The following WSCD2 variants were observed in gnomAD, a reference collection of about 807,000 sequenced individuals.
The protein encoded by WSCD2 is sialate:O-sulfotransferase 2.
WSCD2 carries 28 observed loss-of-function variants against 55.7 expected under a neutral mutation model. The observed-to-expected ratio is 0.50, with a 90% confidence interval of 0.37 to 0.69. The LOEUF (loss-of-function observed/expected upper bound fraction) is 0.69, where lower values mean the gene tolerates loss of function less well. Ranked by LOEUF, WSCD2 falls within the 30% of genes least tolerant of loss-of-function variation. The pLI is 0.00. For synonymous variants in WSCD2, 301 were observed against 301.9 expected, an observed-to-expected ratio of 1.00 and a Z score of 0.03; for missense variants, 616 against 762.1, an observed-to-expected ratio of 0.81 and a Z score of 2.26.
chr12:108,222,651 G>C (rs1887660388), intron 4 of WSCD2, among the ~76,000 whole-genome samples: 1 of 152,154 alleles, frequency 6.6e-6, no homozygotes, highest in Non-Finnish European at 1.5e-5. Flanking sequence ...AGATTTAACA[G>C]TGGCCACTTA....
At chr12:108,232,686 A>C in intron 6 of WSCD2, 45 bp from the exon 7 acceptor site, 1 of 1,554,004 alleles carries the variant, frequency 6.4e-7, no homozygotes, top group Non-Finnish European at 8.7e-7. Context: ...GACAGGCTCC[A>C]TCTGCCCCTG....
intron 4 of WSCD2, among the ~76,000 whole-genome samples, chr12:108,211,407 G>A (rs1593038004): frequency 6.6e-6 from 1 of 152,142 alleles, no homozygotes; most frequent in Non-Finnish European, 1.5e-5. Flanking sequence ...GGGAGATGCT[G>A]CATTTCTAAA....
rs118083967 is a variant in WSCD2 at position 108,159,418 on chromosome 12, G to A, written c.-552+29492G>A. Among the ~76,000 whole-genome samples the A allele has an allele frequency of 2.8e-3, 431 of 152,346 alleles. 2 individuals carry two copies. The highest frequency in any genetic ancestry group is 4.5e-3 in the Admixed American group (69 of 15,306). On this transcript the variant is annotated intron_variant, in intron 1 of 8. Coordinates refer to ENST00000547525, the MANE Select transcript of WSCD2 (RefSeq NM_014653.4). ...CACAGTATACCCATTCTACAGATGAGAGAACCAAGGCAGAGACGAAAGTGG... is the reference window on the plus strand; with the variant it reads ...CACAGTATACCCATTCTACAGATGAAAGAACCAAGGCAGAGACGAAAGTGG...
Position 108,210,251 on chromosome 12 carries a change from G to C in WSCD2, c.628G>C (p.Ala210Pro). The C allele has an allele frequency of 6.3e-7, 1 of 1,590,982 alleles. No homozygotes were observed. The highest frequency in any genetic ancestry group is 8.6e-7 in the Non-Finnish European group (1 of 1,165,226). Reference protein sequence around the residue: ...KGERGSVCGGANRLSVYRLQL... With the variant: ...KGERGSVCGGPNRLSVYRLQL... The stretch of plus-strand genomic sequence containing the variant: ...CGAGCGAGGCAGCGTGTGCGGCGGC[G>C]CCAACCGCCTCTCTGTCTACCGGCT... The change falls in exon 4 of 9, where the codon GCC becomes CCC. Residue 210 changes from alanine (A) to proline (P), a missense_variant. This residue lies in a region of WSCD2 where 374 missense variants were observed against 467.4 expected (regional missense o/e 0.80). Coordinates refer to ENST00000547525, the MANE Select transcript of WSCD2 (RefSeq NM_014653.4). The surrounding 1 kb of genome is among the most constrained non-coding windows in gnomAD (Gnocchi z 4.3).
At chr12:108,168,908 G>T (rs912262371) in intron 1 of WSCD2, among the ~76,000 whole-genome samples, 2 of 152,158 alleles carry the variant, frequency 1.3e-5, no homozygotes, top group African/African-American at 4.8e-5. Flanking sequence ...TAGGGTAGTG[G>T]TCCTCAACCA....
At chr12:108,188,041 CCTCT>C (rs1274236347) in intron 1 of WSCD2, among the ~76,000 whole-genome samples, 4 of 152,148 alleles carry the variant, frequency 2.6e-5, no homozygotes, top group Non-Finnish European at 2.9e-5. Context: ...CCATATGCTC[CCTCT>C]GATTTTTTTA....
chr12:108,180,539 C>T (rs1224480940), intron 1 of WSCD2, among the ~76,000 whole-genome samples: 2 of 152,112 alleles, frequency 1.3e-5, no homozygotes, highest in Admixed American at 6.6e-5. Context: ...GTTTGAATGT[C>T]GGGGGAGGGA....
intron 6 of WSCD2, among the ~76,000 whole-genome samples, chr12:108,229,211 C>T (rs866641519): frequency 1.2e-4 from 19 of 152,222 alleles, no homozygotes; most frequent in African/African-American, 3.9e-4. Context: ...TATTGAGCAC[C>T]TACTGTGTGC....
Position 108,248,844 on chromosome 12 carries a change from C to A in WSCD2, c.*501C>A, listed in dbSNP as rs757129402. The A allele has an allele frequency of 1.0e-6, 1 of 989,638 alleles. No homozygotes were observed. Among genetic ancestry groups the A allele is most frequent in the Middle Eastern group, 5.2e-4 (1 of 1,914 alleles). 61.3% of individuals were successfully genotyped at this position (989,638 alleles called of 1,614,324 possible). ...TGCTGGCACCGATGTTTAACTCAGG[C>A]CACCTTCTGTTCTAAAGAAAGATTG... On this transcript the variant is annotated 3_prime_UTR_variant, in exon 9 of 9. Transcript: ENST00000547525. The surrounding 1 kb of genome is among the most constrained non-coding windows in gnomAD (Gnocchi z 4.3).
At chr12:108,169,573 A>G (rs1019336569) in intron 1 of WSCD2, among the ~76,000 whole-genome samples, 15 of 152,122 alleles carry the variant, frequency 9.9e-5, no homozygotes, top group African/African-American at 3.6e-4. Context: ...TTGAAGTCCC[A>G]TTCTTGGCTC....
chr12:108,147,188 G>A (rs981269657), intron 1 of WSCD2, among the ~76,000 whole-genome samples: 1 of 152,204 alleles, frequency 6.6e-6, no homozygotes, highest in Non-Finnish European at 1.5e-5. Flanking sequence ...CAGAGCTCAG[G>A]TGGAGGAGAC....
chr12:108,185,030 T>C (rs1166016608), intron 1 of WSCD2, among the ~76,000 whole-genome samples: 1 of 152,170 alleles, frequency 6.6e-6, no homozygotes, highest in Non-Finnish European at 1.5e-5. Context: ...TCAGTTTCCA[T>C]TGCTGATGAA....
At chr12:108,239,762 T>C (rs1465662543) in intron 7 of WSCD2, among the ~76,000 whole-genome samples, 1 of 152,204 alleles carries the variant, frequency 6.6e-6, no homozygotes, top group Non-Finnish European at 1.5e-5. Flanking sequence ...TCATCCAGGC[T>C]GGACTGCAGT....
intron 1 of WSCD2, among the ~76,000 whole-genome samples, chr12:108,170,577 G>A (rs570689460): frequency 2.0e-5 from 3 of 152,082 alleles, no homozygotes; most frequent in South Asian, 2.1e-4. Flanking sequence ...ATCCACCACC[G>A]GCTAGTTGTA....
chr12:108,221,655 C>CA (rs1173229805), intron 4 of WSCD2, among the ~76,000 whole-genome samples: 1 of 152,208 alleles, frequency 6.6e-6, no homozygotes, highest in Non-Finnish European at 1.5e-5. Flanking sequence ...AGGTGAAGGG[C>CA]TGTCCTGTAC....
At chr12:108,173,076 C>A (rs1040084690) in intron 1 of WSCD2, among the ~76,000 whole-genome samples, 1 of 152,068 alleles carries the variant, frequency 6.6e-6, no homozygotes, top group Non-Finnish European at 1.5e-5. Context: ...TCTGCTGGCG[C>A]CTTGATCTTG....
chr12:108,210,111 C>A lies in WSCD2; in HGVS notation c.498-10C>A. 2 of 1,614,026 alleles carry A rather than the reference C, an allele frequency of 1.2e-6. No individual in the cohort carries two copies. The highest frequency in any genetic ancestry group is 1.7e-6 in the Non-Finnish European group (2 of 1,179,984). On this transcript the variant is annotated splice_polypyrimidine_tract_variant and intron_variant, in intron 3 of 8. Coordinates refer to ENST00000547525, the MANE Select transcript of WSCD2 (RefSeq NM_014653.4). This position sits in a 1 kb window ranked among gnomAD's most constrained non-coding sequence, Gnocchi z 4.3. ...TGGCAGCTACCCTGCTTGACAGCAG[C>A]CTCCCCCAGGGGTTACCTGTATGGC...
chr12:108,198,424 A>G (rs1178913066), intron 2 of WSCD2, among the ~76,000 whole-genome samples: 1 of 152,228 alleles, frequency 6.6e-6, no homozygotes, highest in Non-Finnish European at 1.5e-5. Flanking sequence ...AGGTTTGATC[A>G]AATGCTCCTC....
At position 108,250,257 on chromosome 12, in the gene WSCD2, C is replaced by T. The variant is rs1890359572; in HGVS notation, c.*1914C>T. The T allele has an allele frequency of 6.7e-6, 1 of 148,378 alleles. No homozygotes were observed. Among genetic ancestry groups the T allele is most frequent in the Non-Finnish European group, 1.5e-5 (1 of 66,936 alleles). The allele number at this position is 148,378 out of a possible 1,614,324, so 9.2% of individuals were successfully genotyped here. A position where few individuals can be genotyped will look rare whatever the true frequency, so the allele number is the denominator to read the frequency against. On this transcript the variant is annotated 3_prime_UTR_variant, in exon 9 of 9. Transcript: ENST00000547525. ...AGAGAGGCAGAGAGGCATAGAGAGACAGAGAGAGAGACAAGAAACAGAGAT... is the reference window on the plus strand; with the variant it reads ...AGAGAGGCAGAGAGGCATAGAGAGATAGAGAGAGAGACAAGAAACAGAGAT...
Sources: gnomAD v4.1 joint callset for allele counts (sites outside exome capture counted in the v4.1 genomes callset) on GRCh38, gnomAD v4.1.1 for gene constraint, gnomAD v4.1.1 regional missense constraint, Gnocchi (gnomAD v3.1) non-coding constraint, MANE v1.5 for transcripts, NCBI Gene and HGNC (gene_info 2026-07-23, HGNC 2026-07-21) for gene names.